Variants in MC2R observed in about 807,000 individuals in gnomAD.
MC2R encodes adrenocorticotropic hormone receptor.
MC2R carries 9 observed loss-of-function variants against 9.8 expected under a neutral mutation model. The observed-to-expected ratio is 0.92, with a 90% CI of 0.55 to 1.60. The LOEUF is 1.60. MC2R is among the 40% of genes most tolerant of loss of function. The probability of loss-of-function intolerance (pLI) is 0.00; values close to 1 mark genes in which losing one functional copy is unlikely to be tolerated. For missense variants in MC2R, 370 were observed against 389.0 expected (o/e 0.95, Z 0.41); for synonymous variants, 185 against 154.7 (o/e 1.20, Z -1.45).
At chr18:13,892,134 G>A (rs548678523) in intron 1 of MC2R, among the ~76,000 whole-genome samples, 11 of 152,276 alleles carry the variant, frequency 7.2e-5, no homozygotes, top group South Asian at 4.1e-4. Context: ...ATGCAGGGTC[G>A]TGCTGGGGGC....
chr18:13,888,868 CT>C (rs1199844212), intron 1 of MC2R, among the ~76,000 whole-genome samples: 1 of 152,190 alleles, frequency 6.6e-6, no homozygotes, highest in Non-Finnish European at 1.5e-5. Flanking sequence ...ATGTCTTTGG[CT>C]TAAAGAACTT....
intron 1 of MC2R, among the ~76,000 whole-genome samples, chr18:13,889,061 A>G (rs1489508413): frequency 1.3e-5 from 2 of 152,096 alleles, no homozygotes; most frequent in African/African-American, 4.8e-5. Context: ...CTTCAATTCC[A>G]TGCTGCTTTC....
At chr18:13,897,303 G>A (rs144078587) in intron 1 of MC2R, among the ~76,000 whole-genome samples, 297 of 152,242 alleles carry the variant, frequency 2.0e-3, no homozygotes, top group Admixed American at 4.7e-3. Flanking sequence ...ACCCAGCCAC[G>A]GAGCAAGTCT....
chr18:13,891,686 T>C (rs180875290), intron 1 of MC2R, among the ~76,000 whole-genome samples: 1 of 152,300 alleles, frequency 6.6e-6, no homozygotes, highest in African/African-American at 2.4e-5. Flanking sequence ...GAGCCCTCCT[T>C]TTGGTGGCTT....
chr18:13,904,236 G>C (rs4239314), intron 1 of MC2R, among the ~76,000 whole-genome samples: 77,299 of 150,684 alleles, frequency 0.51, 20,803 homozygotes, highest in African/African-American at 0.67. Context: ...AAAAACTTAG[G>C]CAGGCGAGGT....
chr18:13,900,393 T>C (rs1234321645), intron 1 of MC2R, among the ~76,000 whole-genome samples: 1 of 151,958 alleles, frequency 6.6e-6, no homozygotes, highest in East Asian at 1.9e-4. Flanking sequence ...CAGGAGTAAG[T>C]CCTTACTTAT....
chr18:13,903,985 T>C (rs2045395906), intron 1 of MC2R, among the ~76,000 whole-genome samples: 1 of 128,108 alleles, frequency 7.8e-6, no homozygotes, highest in Non-Finnish European at 1.6e-5. Context: ...TTTTTAAGAA[T>C]TGTAGATTTT....
rs2045257499 is a variant in MC2R, at chr18:13,884,289, C to T, written c.*336G>A. On this transcript the variant is annotated 3_prime_UTR_variant, in exon 2 of 2. Coordinates refer to ENST00000327606, the MANE Select transcript of MC2R (RefSeq NM_000529.2). ...GCCCAAAGCCCTTGAATTTTTATTG[C>T]TGTTTTACTAGATTGGTGCAAAAGT... 3 of 358,300 alleles carry T rather than the reference C, an allele frequency of 8.4e-6. No individual in the cohort carries two copies. The highest frequency in any genetic ancestry group is 1.6e-5 in the Non-Finnish European group (3 of 188,236). 22.2% of individuals were successfully genotyped at this position (358,300 alleles called of 1,614,324 possible). A position where few individuals can be genotyped will look rare whatever the true frequency, so the allele number is the denominator to read the frequency against.
At chr18:13,896,973 T>C (rs9965128) in intron 1 of MC2R, among the ~76,000 whole-genome samples, 10,136 of 152,228 alleles carry the variant, frequency 0.067, 1,075 homozygotes, top group African/African-American at 0.22. Context: ...AATGCCAGAA[T>C]AGAAGGCTCC....
At chr18:13,894,798 C>T (rs886690695) in intron 1 of MC2R, among the ~76,000 whole-genome samples, 1 of 152,186 alleles carries the variant, frequency 6.6e-6, no homozygotes, top group Non-Finnish European at 1.5e-5. Flanking sequence ...ACTGCTCTCC[C>T]TCTGAACTTT....
chr18:13,885,366 C>G lies in MC2R; in HGVS notation c.153G>C (p.Lys51Asn), dbSNP rs2045269326. ...ACATGGGTGCCTGGAGATTCTTATT[C>G]TTGAACACAGCCAGCAGGACGATCA... is the stretch of plus-strand genomic sequence containing the variant. ...ENLIVLLAVF[K>N]NKNLQAPMYF... Residue 51 changes from lysine to asparagine, a missense_variant, in exon 2 of 2, where the codon AAG becomes AAC. Physicochemically the swap from Lys to Asn is moderately conservative, Grantham distance 94 (BLOSUM62 0). Coordinates refer to ENST00000327606, the MANE Select transcript of MC2R (RefSeq NM_000529.2). 6.2e-7 allele frequency: 1 copy of G among 1,614,152 alleles called. No individual in the cohort carries two copies. Among genetic ancestry groups the G allele is most frequent in the Non-Finnish European group, 8.5e-7 (1 of 1,180,042 alleles).
intron 1 of MC2R, among the ~76,000 whole-genome samples, chr18:13,888,475 G>A (rs1257259529): frequency 5.3e-5 from 8 of 152,190 alleles, no homozygotes; most frequent in African/African-American, 1.9e-4. Flanking sequence ...ACCCCCAGAG[G>A]AAGCTACCCC....
chr18:13,887,553 GAC>G (rs1296460744), intron 1 of MC2R, among the ~76,000 whole-genome samples: 2 of 152,250 alleles, frequency 1.3e-5, no homozygotes, highest in Non-Finnish European at 2.9e-5. Context: ...TATGTGGTGA[GAC>G]AGTGTTCTAG....
rs886053620 is a variant in MC2R, at chr18:13,882,680, TCA to T, written c.*1943_*1944del. 2 of 152,208 alleles carry T rather than the reference TCA, an allele frequency of 1.3e-5. No individual in the cohort carries two copies. Among genetic ancestry groups the T allele is most frequent in the Admixed American group, 6.5e-5 (1 of 15,282 alleles). The allele number at this position is 152,208 out of a possible 1,614,324, so 9.4% of individuals were successfully genotyped here. A position where few individuals can be genotyped will look rare whatever the true frequency, so the allele number is the denominator to read the frequency against. On this transcript the variant is annotated 3_prime_UTR_variant, in exon 2 of 2. Transcript: ENST00000327606. ...AGTGGCATTGCTTACCTCTGTGGTATCACAGAGCATTGCAGCATCAAAAAAAG... is the reference window on the plus strand; with the variant it reads ...AGTGGCATTGCTTACCTCTGTGGTATCAGAGCATTGCAGCATCAAAAAAAG...
intron 1 of MC2R, among the ~76,000 whole-genome samples, chr18:13,895,958 A>G (rs1339693570): frequency 6.6e-6 from 1 of 152,198 alleles, no homozygotes. Flanking sequence ...AGGGGGACAG[A>G]GGCAGCCCAG....
At chr18:13,904,241 C>T (rs567472903) in intron 1 of MC2R, among the ~76,000 whole-genome samples, 18 of 150,540 alleles carry the variant, frequency 1.2e-4, no homozygotes, top group Non-Finnish European at 2.5e-4. Flanking sequence ...CTTAGGCAGG[C>T]GAGGTGGTGG....
intron 1 of MC2R, among the ~76,000 whole-genome samples, chr18:13,899,946 CA>C (rs2045368943): frequency 6.6e-6 from 1 of 152,190 alleles, no homozygotes; most frequent in Admixed American, 6.5e-5. Flanking sequence ...ATTAAGTACA[CA>C]GAAAAGCACA....
intron 1 of MC2R, among the ~76,000 whole-genome samples, chr18:13,908,577 A>T (rs11873893): frequency 0.016 from 2,505 of 152,280 alleles, 65 homozygotes; most frequent in African/African-American, 0.056. Flanking sequence ...TCCTAAGTAC[A>T]CTGTTTTGGT....
At chr18:13,910,376 C>T (rs899711281) in intron 1 of MC2R, among the ~76,000 whole-genome samples, 9 of 152,246 alleles carry the variant, frequency 5.9e-5, no homozygotes, top group African/African-American at 1.9e-4. Context: ...AGTGACAGTC[C>T]TCTGACTTTG....
Sources: gnomAD v4.1 joint callset for allele counts (sites outside exome capture counted in the v4.1 genomes callset) on GRCh38, gnomAD v4.1.1 for gene constraint, MANE v1.5 for transcripts, NCBI Gene and HGNC (gene_info 2026-07-23, HGNC 2026-07-21) for gene names.